Variants in NEMF observed in about 807,000 individuals in gnomAD.
NEMF encodes nuclear export mediator factor.
A neutral mutation model predicts 162.2 loss-of-function variants in NEMF; 89 were observed. That is an observed-to-expected ratio of 0.55 (90% CI 0.46 to 0.65). NEMF has a LOEUF of 0.65. NEMF is among the 30% of genes least tolerant of loss of function. The probability of loss-of-function intolerance (pLI) is 0.00; values close to 1 mark genes in which losing one functional copy is unlikely to be tolerated. For missense variants in NEMF, 1,133 were observed against 1,261.9 expected (o/e 0.90, Z 1.55); for synonymous variants, 421 against 404.5 (o/e 1.04, Z -0.49).
At chr14:49,784,842 T>G in intron 32 of NEMF, 83 bp downstream of exon 32, 1 of 1,428,336 alleles carries the variant, frequency 7.0e-7, no homozygotes, top group Non-Finnish European at 9.8e-7. Context: ...AAGACAGCAT[T>G]TTCTACTAAA....
At chr14:49,828,845 T>C (rs1892498182) in intron 13 of NEMF, 38 bp from the exon 14 acceptor site, 1 of 1,456,832 alleles carries the variant, frequency 6.9e-7, no homozygotes, top group Non-Finnish European at 9.2e-7. Context: ...CTAACGTCAA[T>C]GACATCACTT....
At chr14:49,815,829 T>A (rs1376851244) in intron 16 of NEMF, among the ~76,000 whole-genome samples, 1 of 151,968 alleles carries the variant, frequency 6.6e-6, no homozygotes, top group African/African-American at 2.4e-5. Context: ...CCGGGTGTGG[T>A]GACAGGCGCC....
chr14:49,836,606 A>G (rs1229220968), intron 6 of NEMF, among the ~76,000 whole-genome samples: 1 of 152,072 alleles, frequency 6.6e-6, no homozygotes, highest in African/African-American at 2.4e-5. Flanking sequence ...TGTTCGTGGC[A>G]CCGCACTTCA....
chr14:49,837,915 C>T (rs889725299), intron 6 of NEMF, among the ~76,000 whole-genome samples: 1 of 151,564 alleles, frequency 6.6e-6, no homozygotes, highest in African/African-American at 2.4e-5. Flanking sequence ...CTACCATTAG[C>T]ACTGAAGTAC....
At chr14:49,788,439 G>A (rs1890282199) in intron 28 of NEMF, among the ~76,000 whole-genome samples, 1 of 151,868 alleles carries the variant, frequency 6.6e-6, no homozygotes, top group Admixed American at 6.6e-5. Context: ...GCTCTTAAAT[G>A]GTGTACTCAT....
intron 14 of NEMF, 54 bp from the exon 15 acceptor site, chr14:49,828,408 T>C: frequency 8.5e-7 from 1 of 1,174,992 alleles, no homozygotes; most frequent in Non-Finnish European, 1.2e-6. Flanking sequence ...TCTTCAGTTT[T>C]CTACTTAGTT....
chr14:49,822,471 A>G (rs1238288846), intron 16 of NEMF, among the ~76,000 whole-genome samples: 1 of 151,348 alleles, frequency 6.6e-6, no homozygotes, highest in African/African-American at 2.4e-5. Flanking sequence ...CAGTGAGCCA[A>G]GATCGCACCA....
intron 19 of NEMF, 54 bp downstream of exon 19, chr14:49,805,967 T>C (rs996766567): frequency 8.3e-7 from 1 of 1,197,950 alleles, no homozygotes; most frequent in Admixed American, 2.0e-5. Context: ...CTCTCAAAAT[T>C]TGGCACACAG....
At chr14:49,816,516 AAGGCTC>A in intron 16 of NEMF, among the ~76,000 whole-genome samples, 1 of 152,284 alleles carries the variant, frequency 6.6e-6, no homozygotes, top group Middle Eastern at 3.4e-3. Flanking sequence ...TGCTGGCTTT[AAGGCTC>A]AGGTGGGCAT....
Position 49,782,570 on chromosome 14 carries a change from C to A in NEMF, c.*2066G>T. 1 of 1,606,148 alleles carries A rather than the reference C, an allele frequency of 6.2e-7. No homozygotes were observed. The highest frequency in any genetic ancestry group is 1.1e-5 in the South Asian group (1 of 90,098). On this transcript the variant is annotated 3_prime_UTR_variant, in exon 33 of 33. Coordinates refer to ENST00000298310, the MANE Select transcript of NEMF (RefSeq NM_004713.6). Reference sequence around the variant, plus strand: ...CACAGTAATGAAATACTAATATTTTCAGTTCAACCAAAATCTCTTGTACGG... The same window carrying A: ...CACAGTAATGAAATACTAATATTTTAAGTTCAACCAAAATCTCTTGTACGG...
intron 7 of NEMF, chr14:49,834,087 C>CT (rs1892777217): frequency 5.8e-6 from 3 of 516,866 alleles, no homozygotes; most frequent in Non-Finnish European, 1.1e-5. Flanking sequence ...AGTGGTGATA[C>CT]TTGTTTTTGT....
rs767322715 is a variant in NEMF at position 49,785,147 on chromosome 14, A to C, written c.3030-12T>G. 1 of 1,602,636 alleles carries C rather than the reference A, an allele frequency of 6.2e-7. No homozygotes were observed. On this transcript the variant is annotated splice_polypyrimidine_tract_variant and intron_variant, in intron 30 of 32. Coordinates refer to ENST00000298310, the MANE Select transcript of NEMF (RefSeq NM_004713.6). Reference sequence around the variant, plus strand: ...GTTTCACTTTATATCTTTAAAAAGGAATTACATGTGTTACTAAATAGACGT... The same window carrying C: ...GTTTCACTTTATATCTTTAAAAAGGCATTACATGTGTTACTAAATAGACGT...
rs185280092 is a variant in NEMF, at chr14:49,796,721, A to G, written c.2466-777T>C. On this transcript the variant is annotated intron_variant, in intron 25 of 32. Coordinates refer to ENST00000298310, the MANE Select transcript of NEMF (RefSeq NM_004713.6). Reference sequence around the variant, plus strand: ...TTCTCTTCGTATCACTTTAAAGGGTATAGTCCAAAATCCTTAGCTTTTAAG... The same window carrying G: ...TTCTCTTCGTATCACTTTAAAGGGTGTAGTCCAAAATCCTTAGCTTTTAAG... 1.3e-4 allele frequency among the ~76,000 whole-genome samples: 20 copies of G among 152,330 alleles called. 1 individual carries two copies. Among genetic ancestry groups the G allele is most frequent in the Admixed American group, 1.2e-3 (19 of 15,294 alleles).
intron 16 of NEMF, among the ~76,000 whole-genome samples, chr14:49,822,335 TAAAAAA>T (rs1228746886): frequency 8.4e-6 from 1 of 118,904 alleles, no homozygotes; most frequent in Non-Finnish European, 1.8e-5. Flanking sequence ...CACATTTTAA[TAAAAAA>T]AAAAAAGAGG....
rs185022843 is a variant in NEMF, at chr14:49,804,806, G to A, written c.1857+1215C>T. On this transcript the variant is annotated intron_variant, in intron 19 of 32. Coordinates refer to ENST00000298310, the MANE Select transcript of NEMF (RefSeq NM_004713.6). ...AGCATTTTGGGAGGCGGAAGCAGGAGGATCACTTGAGGCCAGGAGTTTGAG... is the reference window on the plus strand; with the variant it reads ...AGCATTTTGGGAGGCGGAAGCAGGAAGATCACTTGAGGCCAGGAGTTTGAG... 3.3e-3 allele frequency among the ~76,000 whole-genome samples: 503 copies of A among 152,298 alleles called. 2 individuals are homozygous for A. The highest frequency in any genetic ancestry group is 0.012 in the African/African-American group (484 of 41,556).
intron 4 of NEMF, among the ~76,000 whole-genome samples, chr14:49,843,027 AAAAG>A (rs779709801): frequency 9.2e-5 from 14 of 152,094 alleles, no homozygotes; most frequent in Non-Finnish European, 1.5e-4. Context: ...AAAATAAAAA[AAAAG>A]AAAGAGTAAA....
intron 16 of NEMF, among the ~76,000 whole-genome samples, chr14:49,818,115 T>G (rs1183070575): frequency 3.8e-5 from 5 of 130,930 alleles, no homozygotes; most frequent in Non-Finnish European, 7.8e-5. Context: ...CGAGACAGAG[T>G]CTCGCACTGT....
Position 49,782,218 on chromosome 14 carries a change from C to CTACT in NEMF, c.*2414_*2417dup, listed in dbSNP as rs1566638830. On this transcript the variant is annotated 3_prime_UTR_variant, in exon 33 of 33. Coordinates refer to ENST00000298310, the MANE Select transcript of NEMF (RefSeq NM_004713.6). Reference sequence around the variant, plus strand: ...ATAGATATTGATTGATCTGCTTTTGCTACTTTCCCTTAAGATTTTACTTCT... The same window carrying CTACT: ...ATAGATATTGATTGATCTGCTTTTGCTACTTACTTTCCCTTAAGATTTTACTTCT... 1.8e-6 allele frequency: 1 copy of CTACT among 544,128 alleles called. No homozygotes were observed. 33.7% of individuals were successfully genotyped at this position (544,128 alleles called of 1,614,324 possible).
chr14:49,846,126 C>A lies in NEMF; in HGVS notation c.357+14G>T, dbSNP rs1017683642. 1.9e-6 allele frequency: 3 copies of A among 1,608,272 alleles called. No individual in the cohort carries two copies. The highest frequency in any genetic ancestry group is 2.5e-6 in the Non-Finnish European group (3 of 1,177,752). ...AGAAATTTTCCTTCACCATATCCCA[C>A]AAATTTAACTTACCCTATCATAGAG... is the stretch of plus-strand genomic sequence containing the variant. On this transcript the variant is annotated intron_variant, in intron 4 of 32. Coordinates refer to ENST00000298310, the MANE Select transcript of NEMF (RefSeq NM_004713.6).
Sources: allele counts gnomAD v4.1 joint callset (sites outside exome capture counted in the v4.1 genomes callset), GRCh38; gene constraint gnomAD v4.1.1; transcripts MANE v1.5; gene names NCBI Gene and HGNC (gene_info 2026-07-23, HGNC 2026-07-21).